The following ZNF474 variants were observed in gnomAD, a reference collection of about 807,000 sequenced individuals.
ZNF474 encodes the protein 4933409D10Rik.
For missense variants in ZNF474, 511 were observed against 433.8 expected (o/e 1.18, Z -1.58); for synonymous variants, 192 against 162.2 (o/e 1.18, Z -1.39).
intron 1 of ZNF474, among the ~76,000 whole-genome samples, chr5:122,147,200 G>A (rs1382425611): frequency 6.6e-6 from 1 of 152,164 alleles, no homozygotes; most frequent in African/African-American, 2.4e-5. Context: ...GCTGAATGGG[G>A]TGGGTGAACA....
chr5:122,148,138 T>C (rs1370627291), intron 1 of ZNF474: 1 of 152,246 alleles, frequency 6.6e-6, no homozygotes, highest in East Asian at 1.9e-4. Flanking sequence ...GCACTTTTGC[T>C]TTTAGAGCTA....
chr5:122,134,159 A>G (rs1032719718), intron 1 of ZNF474, among the ~76,000 whole-genome samples: 14 of 152,202 alleles, frequency 9.2e-5, no homozygotes, highest in African/African-American at 3.4e-4. Context: ...ATTTCTAAAT[A>G]TCATTGCACA....
At chr5:122,136,084 G>C (rs555334492) in intron 1 of ZNF474, among the ~76,000 whole-genome samples, 1 of 152,132 alleles carries the variant, frequency 6.6e-6, no homozygotes, top group South Asian at 2.1e-4. Context: ...GCATAACAGG[G>C]CAACTATAGT....
chr5:122,138,928 A>G (rs977019198), intron 1 of ZNF474, among the ~76,000 whole-genome samples: 2 of 152,226 alleles, frequency 1.3e-5, no homozygotes, highest in African/African-American at 4.8e-5. Context: ...GGAAAAATAT[A>G]TAATTATTTT....
intron 1 of ZNF474, among the ~76,000 whole-genome samples, chr5:122,135,888 C>T (rs1755688314): frequency 6.6e-6 from 1 of 151,540 alleles, no homozygotes; most frequent in African/African-American, 2.4e-5. Context: ...ATAAGCTAAG[C>T]ACAGAAGGAC....
At chr5:122,149,031 G>A (rs1756090988) in intron 1 of ZNF474, among the ~76,000 whole-genome samples, 2 of 151,938 alleles carry the variant, frequency 1.3e-5, no homozygotes, top group Non-Finnish European at 2.9e-5. Context: ...CGCCCGGCCT[G>A]GAAAAAGTGA....
chr5:122,144,644 T>C (rs758218801), intron 1 of ZNF474, among the ~76,000 whole-genome samples: 7 of 152,208 alleles, frequency 4.6e-5, no homozygotes, highest in Non-Finnish European at 8.8e-5. Flanking sequence ...TTAAACAATA[T>C]TGAAAAAGAC....
intron 1 of ZNF474, among the ~76,000 whole-genome samples, chr5:122,135,125 T>A (rs997677632): frequency 6.6e-6 from 1 of 152,148 alleles, no homozygotes; most frequent in African/African-American, 2.4e-5. Flanking sequence ...TATCAGATAA[T>A]ATAAGGAGCC....
At chr5:122,133,225 CTG>C (rs1755620126) in intron 1 of ZNF474, among the ~76,000 whole-genome samples, 2 of 152,184 alleles carry the variant, frequency 1.3e-5, no homozygotes, top group African/African-American at 4.8e-5. Context: ...ATTCCAGACA[CTG>C]TTCTAGACAG....
chr5:122,137,270 G>A (rs568235126), intron 1 of ZNF474, among the ~76,000 whole-genome samples: 3 of 151,510 alleles, frequency 2.0e-5, no homozygotes, highest in Non-Finnish European at 4.4e-5. Flanking sequence ...GGCAACAACA[G>A]TAGCCCATCT....
intron 1 of ZNF474, among the ~76,000 whole-genome samples, chr5:122,132,688 T>C (rs1755605256): frequency 6.6e-6 from 1 of 152,176 alleles, no homozygotes; most frequent in South Asian, 2.1e-4. Context: ...AGGGAGTTGA[T>C]ATTTTCTCCC....
chr5:122,152,885 C>G lies in ZNF474; in HGVS notation c.895C>G (p.Leu299Val). 1.1e-5 allele frequency: 18 copies of G among 1,614,182 alleles called. No individual in the cohort carries two copies. The highest frequency in any genetic ancestry group is 1.5e-5 in the Non-Finnish European group (18 of 1,180,042). ...TAGCCGAATCTTTACCTCAGACCGCCTCCTGGTACACCAGAGAAGTTGTAA... is the reference window on the plus strand; with the variant it reads ...TAGCCGAATCTTTACCTCAGACCGCGTCCTGGTACACCAGAGAAGTTGTAA... ...HCSRIFTSDR[L>V]LVHQRSCKTH... Residue 299 changes from leucine (L) to valine (V), a missense_variant, in exon 2 of 2, where the codon CTC (leucine) becomes GTC (valine). By Grantham distance (32) the Leu-to-Val change is conservative. Coordinates refer to ENST00000296600, the MANE Select transcript of ZNF474 (RefSeq NM_207317.3).
intron 1 of ZNF474, among the ~76,000 whole-genome samples, chr5:122,142,377 C>T (rs191029448): frequency 4.6e-5 from 7 of 152,310 alleles, no homozygotes; most frequent in East Asian, 1.9e-4. Context: ...TACACGTGAT[C>T]TTTGTGTTTA....
chr5:122,141,150 ATT>A lies in ZNF474; in HGVS notation c.-212-10626_-212-10625del, dbSNP rs1242990520. On this transcript the variant is annotated intron_variant, in intron 1 of 1. Transcript: ENST00000296600. Reference sequence around the variant, plus strand: ...ATTTTATTTTATTTTATTTTATTTTATTTTATTTTATTTTATTTTATTTTTGG... The same window carrying A: ...ATTTTATTTTATTTTATTTTATTTTATTATTTTATTTTATTTTATTTTTGG... 8.5e-5 allele frequency among the ~76,000 whole-genome samples: 3 copies of A among 35,108 alleles called. 1 individual carries two copies. Among genetic ancestry groups the A allele is most frequent in the African/African-American group, 1.4e-4 (3 of 20,956 alleles). 23.0% of individuals were successfully genotyped at this position (35,108 alleles called of 152,430 possible). A position where few individuals can be genotyped will look rare whatever the true frequency, so the allele number is the denominator to read the frequency against.
intron 1 of ZNF474, among the ~76,000 whole-genome samples, chr5:122,131,251 G>A (rs1755568636): frequency 6.6e-6 from 1 of 152,102 alleles, no homozygotes; most frequent in Non-Finnish European, 1.5e-5. Context: ...AAACAATATG[G>A]AAGTTCCTCA....
chr5:122,141,698 CA>C (rs1755851190), intron 1 of ZNF474, among the ~76,000 whole-genome samples: 1 of 152,148 alleles, frequency 6.6e-6, no homozygotes, highest in African/African-American at 2.4e-5. Flanking sequence ...CTTGGCCTCC[CA>C]AAGTGCTGGG....
At chr5:122,151,717 GTGT>G in intron 1 of ZNF474, 59 bp from the exon 2 acceptor site, 1 of 325,534 alleles carries the variant, frequency 3.1e-6, no homozygotes, top group East Asian at 6.0e-5. Flanking sequence ...GTGTGTGTGT[GTGT>G]GTGTGTGTGT....
chr5:122,131,941 A>T (rs1269304984), intron 1 of ZNF474, among the ~76,000 whole-genome samples: 1 of 152,114 alleles, frequency 6.6e-6, no homozygotes, highest in Non-Finnish European at 1.5e-5. Context: ...TATATCCATG[A>T]ACCAACAAAG....
chr5:122,148,393 T>C (rs895075804), intron 1 of ZNF474, among the ~76,000 whole-genome samples: 13 of 152,240 alleles, frequency 8.5e-5, no homozygotes, highest in African/African-American at 3.1e-4. Flanking sequence ...ATGGACGTTT[T>C]GTGATGTTTC....
Sources: allele counts gnomAD v4.1 joint callset (sites outside exome capture counted in the v4.1 genomes callset), GRCh38; gene constraint gnomAD v4.1.1; transcripts MANE v1.5; gene names NCBI Gene and HGNC (gene_info 2026-07-23, HGNC 2026-07-21).